CRACD: variants seen among roughly 807,000 people sequenced by gnomAD.
CRACD encodes the protein capping protein inhibiting regulator of actin dynamics, also known as capping protein-inhibiting regulator of actin dynamics.
In CRACD, 56 loss-of-function variants were observed where a neutral mutation model predicts 106.8. The observed-to-expected ratio is 0.52, with a 90% confidence interval of 0.42 to 0.66. CRACD has a LOEUF of 0.66. Ranked by LOEUF, CRACD falls within the 30% of genes least tolerant of loss-of-function variation. The pLI is 0.00. For missense variants in CRACD, 1,730 were observed against 1,623.2 expected (o/e 1.07, Z -1.13); for synonymous variants, 754 against 670.8 (o/e 1.12, Z -1.92).
At position 56,130,106 on chromosome 4, in the gene CRACD, A is replaced by AAAC. The variant is rs1266811350; in HGVS notation, c.-335-49178_-335-49177insAAC. ...GGCAACATGGCGAGACCCCGTCTCT[A>AAAC]CAAAAAATACAAAAATTAGCTGGAT... On this transcript the variant is annotated intron_variant, in intron 1 of 10. Transcript: ENST00000682029. Among the ~76,000 whole-genome samples the AAAC allele has an allele frequency of 2.6e-5, 4 of 152,274 alleles. No individual in the cohort carries two copies. The East Asian group carries it at 7.7e-4, about 29-fold the overall frequency.
chr4:56,212,264 C>A (rs1341253888), intron 2 of CRACD, among the ~76,000 whole-genome samples: 1 of 152,164 alleles, frequency 6.6e-6, no homozygotes, highest in Admixed American at 6.5e-5. Flanking sequence ...TGGAAGTTAC[C>A]TTATATAGTC....
At position 56,315,783 on chromosome 4, in the gene CRACD, C is replaced by G. The variant is rs1745588786; in HGVS notation, c.2281C>G (p.Pro761Ala). The G allele has an allele frequency of 6.2e-7, 1 of 1,614,118 alleles. No homozygotes were observed. The highest frequency in any genetic ancestry group is 1.7e-5 in the Admixed American group (1 of 60,016). ...ACCCAGCGAAGAGACAGCCCCCCAG[C>G]CTCCTCCTGCTGGTGTTCGCGAGCT... ...LGPSEETAPQ[P>A]PPAGVRELGK... Residue 761 changes from proline (P) to alanine (A), a missense_variant, in exon 8 of 11, where the codon CCT (proline) becomes GCT (alanine). This residue lies in a region of CRACD where 1,620 missense variants were observed against 1,481.6 expected (regional missense o/e 1.09). Transcript: ENST00000682029. This position sits in a 1 kb window ranked among gnomAD's most constrained non-coding sequence, Gnocchi z 4.1.
intron 1 of CRACD, among the ~76,000 whole-genome samples, chr4:56,166,336 A>G (rs959272501): frequency 3.9e-5 from 6 of 152,192 alleles, no homozygotes; most frequent in African/African-American, 9.7e-5. Context: ...AATGAATACA[A>G]TGGGAAGATC....
intron 3 of CRACD, among the ~76,000 whole-genome samples, chr4:56,284,585 C>T (rs1489057325): frequency 1.3e-5 from 2 of 152,026 alleles, no homozygotes; most frequent in Non-Finnish European, 1.5e-5. Context: ...ATTAGCCAGG[C>T]GTGGTGGTGG....
intron 1 of CRACD, among the ~76,000 whole-genome samples, chr4:56,065,250 A>G (rs890907041): frequency 6.6e-6 from 1 of 151,776 alleles, no homozygotes; most frequent in Non-Finnish European, 1.5e-5. Flanking sequence ...ACCATGCCCA[A>G]CTAATTTTTG....
intron 1 of CRACD, among the ~76,000 whole-genome samples, chr4:56,059,042 C>T (rs1018307107): frequency 6.6e-6 from 1 of 152,138 alleles, no homozygotes; most frequent in Admixed American, 6.5e-5. Flanking sequence ...CAAACAACCC[C>T]GGTTGATCCT....
chr4:56,165,720 A>C (rs1736116583), intron 1 of CRACD, among the ~76,000 whole-genome samples: 1 of 152,254 alleles, frequency 6.6e-6, no homozygotes, highest in South Asian at 2.1e-4. Flanking sequence ...TTAATAATTT[A>C]CCAAGAAAGA....
rs60372588 is a variant in CRACD at position 56,070,847 on chromosome 4, C to CTGTGTGTGTGTGTGTGTGTGTGTGTGTG, written c.-336+21564_-336+21591dup. Among the ~76,000 whole-genome samples the CTGTGTGTGTGTGTGTGTGTGTGTGTGTG allele has an allele frequency of 3.9e-3, 464 of 120,418 alleles. 21 individuals carry two copies. The highest frequency in any genetic ancestry group is 5.3e-3 in the African/African-American group (165 of 30,880). The allele number at this position is 120,418 out of a possible 152,430, so 79.0% of individuals were successfully genotyped here. On this transcript the variant is annotated intron_variant, in intron 1 of 10. Transcript: ENST00000682029. ...TACTGCAGGAATGCCAGGGGCTATG[C>CTGTGTGTGTGTGTGTGTGTGTGTGTGTG]TGTGTGTGTGTGTGTGTGTGTGTGT...
At chr4:56,284,544 G>A (rs1183405096) in intron 3 of CRACD, among the ~76,000 whole-genome samples, 1 of 152,012 alleles carries the variant, frequency 6.6e-6, no homozygotes, top group Non-Finnish European at 1.5e-5. Context: ...GGCCAACATG[G>A]TGAAACCCCA....
At chr4:56,278,600 C>T (rs566259113) in intron 3 of CRACD, among the ~76,000 whole-genome samples, 208 of 152,206 alleles carry the variant, frequency 1.4e-3, no homozygotes, top group African/African-American at 4.8e-3. Context: ...GCAGTGGTTT[C>T]TTAGGTACCA....
At chr4:56,254,773 C>G (rs536748618) in intron 2 of CRACD, among the ~76,000 whole-genome samples, 3 of 151,604 alleles carry the variant, frequency 2.0e-5, no homozygotes, top group African/African-American at 7.3e-5. Flanking sequence ...ACCTTTTATC[C>G]AGCAGGAACT....
chr4:56,156,003 A>G (rs1966972), intron 1 of CRACD, among the ~76,000 whole-genome samples: 124,550 of 152,102 alleles, frequency 0.82, 51,626 homozygotes, highest in African/African-American at 0.95. Context: ...TTGCTCTGTC[A>G]CCCAGGCTGG....
chr4:56,297,801 G>T (rs1180425247), intron 3 of CRACD: 1 of 154,660 alleles, frequency 6.5e-6, no homozygotes, highest in East Asian at 1.9e-4. Context: ...CAGTTTGGTT[G>T]TCATCTGAAA....
intron 1 of CRACD, among the ~76,000 whole-genome samples, chr4:56,133,519 G>A (rs1734892806): frequency 6.6e-6 from 1 of 152,152 alleles, no homozygotes; most frequent in Non-Finnish European, 1.5e-5. Flanking sequence ...GTAAGAGAAA[G>A]TATTACTCAG....
At chr4:56,166,827 A>G (rs1300228093) in intron 1 of CRACD, among the ~76,000 whole-genome samples, 2 of 152,192 alleles carry the variant, frequency 1.3e-5, no homozygotes, top group Admixed American at 6.6e-5. Context: ...TGTAAAATAT[A>G]ATGAAAACTT....
At chr4:56,213,169 G>T (rs1053622138) in intron 2 of CRACD, among the ~76,000 whole-genome samples, 1 of 152,110 alleles carries the variant, frequency 6.6e-6, no homozygotes, top group African/African-American at 2.4e-5. Context: ...AATTGAGGCC[G>T]GGCACAATAG....
chr4:56,081,021 A>G (rs1343739378), intron 1 of CRACD, among the ~76,000 whole-genome samples: 1 of 152,076 alleles, frequency 6.6e-6, no homozygotes, highest in African/African-American at 2.4e-5. Flanking sequence ...TTGTTTATTT[A>G]TTACTAAATT....
intron 5 of CRACD, chr4:56,308,880 A>G (rs534724038): frequency 5.5e-4 from 706 of 1,287,408 alleles, no homozygotes; most frequent in Non-Finnish European, 6.4e-4. Flanking sequence ...TGATGAGCTC[A>G]TAAGTGCTGG....
At chr4:56,062,599 C>T (rs1229934915) in intron 1 of CRACD, among the ~76,000 whole-genome samples, 2 of 152,174 alleles carry the variant, frequency 1.3e-5, no homozygotes, top group African/African-American at 4.8e-5. Flanking sequence ...CCTGCAAATT[C>T]TGTCCACAGT....
Sources: gnomAD v4.1 joint callset for allele counts (sites outside exome capture counted in the v4.1 genomes callset) on GRCh38, gnomAD v4.1.1 for gene constraint, gnomAD v4.1.1 regional missense constraint, Gnocchi (gnomAD v3.1) non-coding constraint, MANE v1.5 for transcripts, NCBI Gene and HGNC (gene_info 2026-07-23, HGNC 2026-07-21) for gene names.